Variants in DYNC2H1 observed in about 807,000 individuals in gnomAD.
DYNC2H1 encodes dynein cytoplasmic 2 heavy chain 1.
A neutral mutation model predicts 570.0 loss-of-function variants in DYNC2H1; 410 were observed. That is an observed-to-expected ratio of 0.72 (90% CI 0.66 to 0.78). The LOEUF is 0.78. DYNC2H1 is among the 30% of genes least tolerant of loss of function. The probability of loss-of-function intolerance (pLI) is 0.00; values close to 1 mark genes in which losing one functional copy is unlikely to be tolerated. For missense variants in DYNC2H1, 4,865 were observed against 5,046.4 expected (o/e 0.96, Z 1.09); for synonymous variants, 1,688 against 1,677.6 (o/e 1.01, Z -0.15).
chr11:103,129,052 T>A lies in DYNC2H1; in HGVS notation c.1953+47T>A. 6.8e-7 allele frequency: 1 copy of A among 1,474,136 alleles called. No individual in the cohort carries two copies. The highest frequency in any genetic ancestry group is 9.3e-7 in the Non-Finnish European group (1 of 1,078,512). The allele number at this position is 1,474,136 out of a possible 1,614,324, so 91.3% of individuals were successfully genotyped here. ...TTATAATTAGATTTTACATGTGAAG[T>A]GTTTAATTCTTAATTTTCCGGTGTT... On this transcript the variant is annotated intron_variant, in intron 13 of 88. Transcript: ENST00000375735. The surrounding 1 kb of genome is among the most constrained non-coding windows in gnomAD (Gnocchi z 4.1).
In DYNC2H1 at chr11:103,135,746, C is replaced by G. The variant is rs1859502427; in HGVS notation, c.2372C>G (p.Pro791Arg). 1 of 1,610,210 alleles carries G rather than the reference C, an allele frequency of 6.2e-7. No individual in the cohort carries two copies. The highest frequency in any genetic ancestry group is 8.5e-7 in the Non-Finnish European group (1 of 1,177,970). Reference protein sequence around the residue: ...YKQGRLQFRPPFEEIRAKYYR... With the variant: ...YKQGRLQFRPRFEEIRAKYYR... The stretch of plus-strand genomic sequence containing the variant: ...CAGGGACGATTACAATTCAGGCCCC[C>G]TTTTGAAGAAATCCGGGCTAAATAT... Residue 791 changes from proline to arginine, a missense_variant, in exon 17 of 89, where the codon CCT (proline) becomes CGT (arginine). Transcript: ENST00000375735.
intron 82 of DYNC2H1, among the ~76,000 whole-genome samples, chr11:103,330,861 A>T (rs1304180819): frequency 6.6e-6 from 1 of 152,152 alleles, no homozygotes. Flanking sequence ...GATTTCATAC[A>T]TTGGAATATT....
intron 84 of DYNC2H1, among the ~76,000 whole-genome samples, chr11:103,433,523 G>A (rs530058441): frequency 7.9e-4 from 120 of 152,198 alleles, no homozygotes; most frequent in African/African-American, 2.8e-3. Context: ...TTCTCACAAG[G>A]CTCAGCTTCC....
At chr11:103,374,477 T>G (rs1037283211) in intron 83 of DYNC2H1, among the ~76,000 whole-genome samples, 3 of 152,164 alleles carry the variant, frequency 2.0e-5, no homozygotes, top group Admixed American at 6.5e-5. Context: ...AAAGCAACTT[T>G]GAAACTGGGT....
At chr11:103,288,684 TAA>T (rs57040929) in intron 75 of DYNC2H1, among the ~76,000 whole-genome samples, 5 of 27,902 alleles carry the variant, frequency 1.8e-4, no homozygotes, top group Non-Finnish European at 3.0e-4. Context: ...CCGTCTCTAC[TAA>T]AAAAAAAAAA....
intron 1 of DYNC2H1, among the ~76,000 whole-genome samples, chr11:103,111,653 G>T (rs1405990059): frequency 6.6e-6 from 1 of 152,008 alleles, no homozygotes; most frequent in African/African-American, 2.4e-5. Context: ...TCGTGAAAGT[G>T]TATCTTGGCT....
intron 84 of DYNC2H1, among the ~76,000 whole-genome samples, chr11:103,413,883 C>T (rs1200932657): frequency 1.3e-5 from 2 of 152,182 alleles, no homozygotes; most frequent in Non-Finnish European, 2.9e-5. Context: ...ATAGAATACA[C>T]TTTCTCTTTT....
In DYNC2H1 at chr11:103,304,619, G is replaced by T; in HGVS notation, c.11281G>T (p.Asp3761Tyr). 1 of 1,613,108 alleles carries T rather than the reference G, an allele frequency of 6.2e-7. No individual in the cohort carries two copies. The highest frequency in any genetic ancestry group is 8.5e-7 in the Non-Finnish European group (1 of 1,179,398). Reference protein sequence around the residue: ...HQVAMGQGQADLAIQMLKECA... With the variant: ...HQVAMGQGQAYLAIQMLKECA... ...GGTTGCCATGGGTCAAGGTCAAGCTGATTTAGCAATTCAAATGCTAAAAGA... is the reference window on the plus strand; with the variant it reads ...GGTTGCCATGGGTCAAGGTCAAGCTTATTTAGCAATTCAAATGCTAAAAGA... Residue 3761 changes from aspartate (D) to tyrosine (Y), a missense_variant, in exon 77 of 89, where the codon GAT (aspartate) becomes TAT (tyrosine). By Grantham distance (160) the Asp-to-Tyr change is radical. Coordinates refer to ENST00000375735, the MANE Select transcript of DYNC2H1 (RefSeq NM_001377.3).
At position 103,321,213 on chromosome 11, in the gene DYNC2H1, T is replaced by G; in HGVS notation, c.11910T>G (p.Ser3970=). The G allele has an allele frequency of 6.2e-7, 1 of 1,609,248 alleles. No individual in the cohort carries two copies. The highest frequency in any genetic ancestry group is 8.5e-7 in the Non-Finnish European group (1 of 1,177,300). ...AAAGCATTTTTCCATATTCCGTATC[T>G]CTACCACAATCCTGCAGCATTTTGG... The part of the protein sequence containing the change: ...NKKSIFPYSV[S]LPQSCSILDY... Residue 3970 remains serine, a synonymous_variant, in exon 81 of 89, where the codon TCT becomes TCG. Transcript: ENST00000375735.
chr11:103,471,246 T>C (rs1404615911), intron 88 of DYNC2H1, among the ~76,000 whole-genome samples: 2 of 152,196 alleles, frequency 1.3e-5, no homozygotes, highest in South Asian at 4.1e-4. Flanking sequence ...TGTTAGTGCT[T>C]CCCCACCTCC....
chr11:103,288,549 G>A (rs1008263444), intron 75 of DYNC2H1, among the ~76,000 whole-genome samples: 17 of 151,306 alleles, frequency 1.1e-4, no homozygotes, highest in African/African-American at 3.9e-4. Context: ...TATGAGATTA[G>A]AAATTATGGT....
At chr11:103,267,820 A>T (rs1865568079) in intron 70 of DYNC2H1, among the ~76,000 whole-genome samples, 1 of 151,836 alleles carries the variant, frequency 6.6e-6, no homozygotes, top group Non-Finnish European at 1.5e-5. Context: ...AAATATATAG[A>T]TATAATTTTT....
In DYNC2H1 at chr11:103,133,081, G is replaced by A. The variant is rs1591290544; in HGVS notation, c.1954-474G>A. ...TTAGAAAGGGGTGATTTTCTCCTTG[G>A]TGTTAAGCTACAATAGGATGTGTAT... On this transcript the variant is annotated intron_variant, in intron 13 of 88. Transcript: ENST00000375735. The surrounding 1 kb of genome is among the most constrained non-coding windows in gnomAD (Gnocchi z 4.8). 1.3e-5 allele frequency among the ~76,000 whole-genome samples: 2 copies of A among 152,102 alleles called. No individual in the cohort carries two copies. The highest frequency in any genetic ancestry group is 1.3e-4 in the Admixed American group (2 of 15,276).
At chr11:103,301,866 A>G (rs572959894) in intron 75 of DYNC2H1, among the ~76,000 whole-genome samples, 1 of 151,988 alleles carries the variant, frequency 6.6e-6, no homozygotes, top group South Asian at 2.1e-4. Context: ...TTGTCTATTC[A>G]CTTCTATTTT....
chr11:103,397,572 G>A (rs1487741865), intron 83 of DYNC2H1, among the ~76,000 whole-genome samples: 1 of 152,188 alleles, frequency 6.6e-6, no homozygotes, highest in Non-Finnish European at 1.5e-5. Context: ...TTTCAGCTTG[G>A]ATATTGTGGG....
intron 82 of DYNC2H1, among the ~76,000 whole-genome samples, chr11:103,339,866 C>A (rs11225729): frequency 6.6e-6 from 1 of 152,090 alleles, no homozygotes; most frequent in African/African-American, 2.4e-5. Flanking sequence ...TTTCCCTCTG[C>A]CCCAGGGATG....
At chr11:103,118,323 TAGA>T (rs1018901865) in intron 6 of DYNC2H1, among the ~76,000 whole-genome samples, 7 of 151,938 alleles carry the variant, frequency 4.6e-5, no homozygotes, top group African/African-American at 1.7e-4. Context: ...CTGCCTTGCT[TAGA>T]AGAACTATAG....
chr11:103,267,097 C>T (rs1016173335), intron 70 of DYNC2H1, among the ~76,000 whole-genome samples: 1 of 152,106 alleles, frequency 6.6e-6, no homozygotes, highest in African/African-American at 2.4e-5. Context: ...GTCAAGGGAT[C>T]TTTTCCTGCC....
At chr11:103,253,552 C>A in intron 66 of DYNC2H1, 104 bp downstream of exon 66, 1 of 1,135,730 alleles carries the variant, frequency 8.8e-7, no homozygotes, top group Non-Finnish European at 1.2e-6. Context: ...TTAGTATTTA[C>A]ATTTATGATT....
Sources: allele counts gnomAD v4.1 joint callset (sites outside exome capture counted in the v4.1 genomes callset), GRCh38; gene constraint gnomAD v4.1.1; non-coding constraint Gnocchi (gnomAD v3.1); transcripts MANE v1.5; gene names NCBI Gene and HGNC (gene_info 2026-07-23, HGNC 2026-07-21).